The following SLC27A2 variants were observed in gnomAD, a reference collection of about 807,000 sequenced individuals.
The protein encoded by SLC27A2 is long-chain fatty acid transport protein 2.
Under a neutral mutation model 60.0 loss-of-function variants are expected in SLC27A2, and 54 were observed. The ratio of observed to expected loss-of-function variants is 0.90; its 90% CI spans 0.72 to 1.13. The LOEUF is 1.13. Among genes scored for constraint, SLC27A2 ranks in the 50% most tolerant of loss-of-function variants. The pLI, the probability that SLC27A2 is intolerant of heterozygous loss-of-function variation, is 0.00. For synonymous variants in SLC27A2, 297 were observed against 297.6 expected (o/e 1.00, Z 0.02); for missense variants, 739 against 777.6 (o/e 0.95, Z 0.59).
intron 5 of SLC27A2, among the ~76,000 whole-genome samples, chr15:50,224,397 G>A (rs993286776): frequency 5.3e-5 from 8 of 152,082 alleles, no homozygotes; most frequent in African/African-American, 1.9e-4. Flanking sequence ...TCGAGATCGC[G>A]CCACTGCACT....
chr15:50,235,398 T>C (rs754809645), intron 9 of SLC27A2, among the ~76,000 whole-genome samples: 2 of 152,204 alleles, frequency 1.3e-5, no homozygotes, highest in Non-Finnish European at 2.9e-5. Context: ...TAGCGGTACC[T>C]GAAGCCTTAC....
chr15:50,188,982 A>AATAGATAAATAGATAGATAG (rs1555500194), intron 1 of SLC27A2, among the ~76,000 whole-genome samples: 2 of 135,422 alleles, frequency 1.5e-5, no homozygotes, highest in African/African-American at 5.9e-5. Context: ...TAGATAGATA[A>AATAGATAAATAGATAGATAG]ATAGATAGAT....
At chr15:50,197,468 G>A (rs1280864817) in intron 1 of SLC27A2, 32 bp from the exon 2 acceptor site, 1 of 1,523,770 alleles carries the variant, frequency 6.6e-7, no homozygotes, top group East Asian at 2.3e-5. Context: ...GACTGATTTA[G>A]TTTGTTTTGA....
chr15:50,205,227 C>A lies in SLC27A2; in HGVS notation c.848-12C>A. 6.3e-7 allele frequency: 1 copy of A among 1,590,994 alleles called. No homozygotes were observed. ...CATTTCTTTCTTGACACTTTCTGTG[C>A]TTTCTCTGTAGGTGCTACTCTTGCC... On this transcript the variant is annotated splice_polypyrimidine_tract_variant and intron_variant, in intron 3 of 9. Coordinates refer to ENST00000267842, the MANE Select transcript of SLC27A2 (RefSeq NM_003645.4).
Position 50,236,272 on chromosome 15 carries a change from G to C in SLC27A2, c.*176G>C. On this transcript the variant is annotated 3_prime_UTR_variant, in exon 10 of 10. Coordinates refer to ENST00000267842, the MANE Select transcript of SLC27A2 (RefSeq NM_003645.4). Reference sequence around the variant, plus strand: ...GAGTCTTTGCAAGTAAAAAGATTTAGAGATTATTATTTTTCAGTGTGCACC... The same window carrying C: ...GAGTCTTTGCAAGTAAAAAGATTTACAGATTATTATTTTTCAGTGTGCACC... 1 of 488,052 alleles carries C rather than the reference G, an allele frequency of 2.0e-6. No individual in the cohort carries two copies. The highest frequency in any genetic ancestry group is 3.5e-6 in the Non-Finnish European group (1 of 284,554). The allele number at this position is 488,052 out of a possible 1,614,324, so 30.2% of individuals were successfully genotyped here. A position where few individuals can be genotyped will look rare whatever the true frequency, so the allele number is the denominator to read the frequency against.
intron 4 of SLC27A2, among the ~76,000 whole-genome samples, chr15:50,218,622 C>A (rs2045219955): frequency 1.3e-5 from 2 of 152,108 alleles, no homozygotes; most frequent in African/African-American, 4.8e-5. Context: ...TATTGCCCAT[C>A]TAGAATTCTA....
chr15:50,207,789 CAAA>C (rs535929329), intron 4 of SLC27A2, among the ~76,000 whole-genome samples: 17 of 75,560 alleles, frequency 2.2e-4, no homozygotes, highest in Admixed American at 4.7e-4. Context: ...GACCCTGTCT[CAAA>C]AAAAAAAAAA....
rs141494219 is a variant in SLC27A2, at chr15:50,197,697, T to G, written c.676T>G (p.Ser226Ala). 1 of 1,611,100 alleles carries G rather than the reference T, an allele frequency of 6.2e-7. No individual in the cohort carries two copies. The highest frequency in any genetic ancestry group is 2.2e-5 in the East Asian group (1 of 44,800). Reference sequence around the variant, plus strand: ...CACTCCTGCCTTATACATTTATACTTCTGGAACCACAGGTAAAAATAAAGG... The same window carrying G: ...CACTCCTGCCTTATACATTTATACTGCTGGAACCACAGGTAAAAATAAAGG... Reference protein sequence around the residue: ...FSTPALYIYTSGTTGLPKAAM... With the variant: ...FSTPALYIYTAGTTGLPKAAM... Residue 226 changes from serine to alanine, a missense_variant, in exon 2 of 10, where the codon TCT (serine) becomes GCT (alanine). Transcript: ENST00000267842.
At chr15:50,221,077 G>A (rs890769888) in intron 4 of SLC27A2, among the ~76,000 whole-genome samples, 7 of 151,914 alleles carry the variant, frequency 4.6e-5, no homozygotes, top group East Asian at 1.9e-4. Flanking sequence ...ATGGTAGCAC[G>A]CACCTGTAGT....
At chr15:50,217,089 C>T (rs1470683415) in intron 4 of SLC27A2, among the ~76,000 whole-genome samples, 1 of 150,096 alleles carries the variant, frequency 6.7e-6, no homozygotes, top group African/African-American at 2.5e-5. Flanking sequence ...ACTTTGGGGA[C>T]TTGGGGGGAA....
chr15:50,193,804 A>T (rs1163016463), intron 1 of SLC27A2, among the ~76,000 whole-genome samples: 1 of 152,144 alleles, frequency 6.6e-6, no homozygotes. Context: ...GGGGGTACAA[A>T]GATGATTTGA....
rs2044861098 is a variant in SLC27A2 at position 50,182,369 on chromosome 15, C to A, written c.-59C>A. The A allele has an allele frequency of 3.5e-6, 5 of 1,428,084 alleles. No individual in the cohort carries two copies. The highest frequency in any genetic ancestry group is 4.6e-6 in the Non-Finnish European group (5 of 1,093,196). 88.5% of individuals were successfully genotyped at this position (1,428,084 alleles called of 1,614,324 possible). ...CCGCCCGGAGCCCGCCCAGTCGCCG[C>A]GCTGCACGCCCGGGGTGAACCCTCT... is the stretch of plus-strand genomic sequence containing the variant. On this transcript the variant is annotated 5_prime_UTR_variant, in exon 1 of 10. Transcript: ENST00000267842.
At chr15:50,209,948 C>T (rs1443611254) in intron 4 of SLC27A2, among the ~76,000 whole-genome samples, 1 of 152,142 alleles carries the variant, frequency 6.6e-6, no homozygotes, top group Non-Finnish European at 1.5e-5. Flanking sequence ...ATAACAGTGA[C>T]TGACATAGTA....
chr15:50,217,819 G>A (rs2045210375), intron 4 of SLC27A2, among the ~76,000 whole-genome samples: 2 of 152,148 alleles, frequency 1.3e-5, no homozygotes, highest in African/African-American at 4.8e-5. Context: ...ACTTTGGGAG[G>A]CTGAGGTGGG....
At chr15:50,194,138 C>A (rs991194065) in intron 1 of SLC27A2, among the ~76,000 whole-genome samples, 2 of 151,942 alleles carry the variant, frequency 1.3e-5, no homozygotes, top group African/African-American at 4.8e-5. Flanking sequence ...AGAGCAGGAC[C>A]CTGTCTCTAA....
At position 50,193,636 on chromosome 15, in the gene SLC27A2, T is replaced by A. The variant is rs966243061; in HGVS notation, c.479-3864T>A. On this transcript the variant is annotated intron_variant, in intron 1 of 9. Coordinates refer to ENST00000267842, the MANE Select transcript of SLC27A2 (RefSeq NM_003645.4). ...GCATACTTGTATCTCAGAAATTATT[T>A]CATCTTACATTATGTTTCATTAAAG... Among the ~76,000 whole-genome samples, 2 of 152,222 alleles carry A rather than the reference T, an allele frequency of 1.3e-5. 1 individual carries two copies. The highest frequency in any genetic ancestry group is 1.3e-4 in the Admixed American group (2 of 15,280).
At chr15:50,207,519 G>C (rs1281587884) in intron 4 of SLC27A2, among the ~76,000 whole-genome samples, 1 of 152,008 alleles carries the variant, frequency 6.6e-6, no homozygotes, top group East Asian at 1.9e-4. Flanking sequence ...TCCAGGCACG[G>C]TGGCTCATGC....
At chr15:50,196,087 T>A (rs1209026761) in intron 1 of SLC27A2, among the ~76,000 whole-genome samples, 617 of 4,296 alleles carry the variant, frequency 0.14, 92 homozygotes, top group South Asian at 0.3. Flanking sequence ...AATATATATA[T>A]ATATATATAT....
chr15:50,202,527 GT>G lies in SLC27A2; in HGVS notation c.730del (p.Tyr244MetfsTer8), dbSNP rs2045073089. 6.2e-7 allele frequency: 1 copy of G among 1,614,168 alleles called. No homozygotes were observed. The highest frequency in any genetic ancestry group is 8.5e-7 in the Non-Finnish European group (1 of 1,180,016). ...CCATGATCACTCATCAGCGCATATG[GT>G]ATGGAACTGGCCTCACTTTTGTAAG... ...AAMITHQRIW[Y>X]GTGLTFVSGL... On this transcript the variant is annotated frameshift_variant, in exon 3 of 10. Coordinates refer to ENST00000267842, the MANE Select transcript of SLC27A2 (RefSeq NM_003645.4). LOFTEE classifies it high-confidence loss of function.
Sources: gnomAD v4.1 joint callset for allele counts (sites outside exome capture counted in the v4.1 genomes callset) on GRCh38, gnomAD v4.1.1 for gene constraint, MANE v1.5 for transcripts, NCBI Gene and HGNC (gene_info 2026-07-23, HGNC 2026-07-21) for gene names.